The following VWC2L variants were observed in gnomAD, a reference collection of about 807,000 sequenced individuals.
VWC2L encodes the protein von Willebrand factor C domain-containing protein 2-like.
A neutral mutation model predicts 21.6 loss-of-function variants in VWC2L; 10 were observed. That is an observed-to-expected ratio of 0.46 (90% CI 0.29 to 0.78). The LOEUF (loss-of-function observed/expected upper bound fraction) is 0.78. Ranked by LOEUF, VWC2L falls within the 30% of genes least tolerant of loss-of-function variation. VWC2L has a pLI of 0.10. For synonymous variants in VWC2L, 96 were observed against 94.3 expected (o/e 1.02, Z -0.10); for missense variants, 209 against 277.1 (o/e 0.75, Z 1.74).
chr2:214,419,901 A>C (rs1702410866), intron 2 of VWC2L, among the ~76,000 whole-genome samples: 1 of 152,164 alleles, frequency 6.6e-6, no homozygotes, highest in Non-Finnish European at 1.5e-5. Context: ...TCTACTAAAA[A>C]TACAAAAATT....
intron 3 of VWC2L, among the ~76,000 whole-genome samples, chr2:214,573,276 C>A (rs141912285): frequency 3.9e-5 from 6 of 152,092 alleles, no homozygotes; most frequent in African/African-American, 1.4e-4. Context: ...TACGCACGCT[C>A]ACACGGTTAA....
At chr2:214,414,666 G>A (rs1482219987) in intron 2 of VWC2L, 83 bp downstream of exon 2, 80 of 1,427,132 alleles carry the variant, frequency 5.6e-5, no homozygotes, top group Non-Finnish European at 7.5e-6. Flanking sequence ...AGTCAGAGTT[G>A]GAAAAATGTA....
rs184790783 is a variant in VWC2L, at chr2:214,528,936, A to G, written c.521-46736A>G. On this transcript the variant is annotated intron_variant, in intron 3 of 3. Coordinates refer to ENST00000312504, the MANE Select transcript of VWC2L (RefSeq NM_001080500.4). The stretch of plus-strand genomic sequence containing the variant: ...CAATAAATCCTATTTCACTTCCACT[A>G]TATGAAGTTGCCATTATGCAATTAT... Among the ~76,000 whole-genome samples the G allele has an allele frequency of 7.2e-4, 109 of 152,292 alleles. 1 individual carries two copies. The East Asian group carries it at 0.012, about 16-fold the overall frequency.
chr2:214,411,449 G>C lies in VWC2L; in HGVS notation c.-418G>C, dbSNP rs1380418662. 2.6e-5 allele frequency: 4 copies of C among 152,304 alleles called. No individual in the cohort carries two copies. Among genetic ancestry groups the C allele is most frequent in the Non-Finnish European group, 4.4e-5 (3 of 68,042 alleles). The allele number at this position is 152,304 out of a possible 1,614,324, so 9.4% of individuals were successfully genotyped here. ...TAATCAGCCGGGAAATTTCATAGAA[G>C]GATCTAAGAAAATGCTAAAAATAAG... On this transcript the variant is annotated 5_prime_UTR_variant, in exon 1 of 4. Transcript: ENST00000312504.
intron 3 of VWC2L, among the ~76,000 whole-genome samples, chr2:214,502,445 C>G (rs1275587633): frequency 6.6e-6 from 1 of 152,164 alleles, no homozygotes; most frequent in African/African-American, 2.4e-5. Context: ...TGGCACACAC[C>G]TGTAGCCCCT....
At position 214,578,438 on chromosome 2, in the gene VWC2L, G is replaced by C. The variant is rs1308900935; in HGVS notation, c.*2618G>C. 6.6e-6 allele frequency: 1 copy of C among 152,190 alleles called. No individual in the cohort carries two copies. Among genetic ancestry groups the C allele is most frequent in the African/African-American group, 2.4e-5 (1 of 41,452 alleles). 9.4% of individuals were successfully genotyped at this position (152,190 alleles called of 1,614,324 possible). A position where few individuals can be genotyped will look rare whatever the true frequency, so the allele number is the denominator to read the frequency against. Reference sequence around the variant, plus strand: ...CCAGCTAGAGAGAGGGATTTTTATGGTTGGTTTTGTTGTTGTTGGATTTTC... The same window carrying C: ...CCAGCTAGAGAGAGGGATTTTTATGCTTGGTTTTGTTGTTGTTGGATTTTC... On this transcript the variant is annotated 3_prime_UTR_variant, in exon 4 of 4. Coordinates refer to ENST00000312504, the MANE Select transcript of VWC2L (RefSeq NM_001080500.4).
In VWC2L at chr2:214,578,773, C is replaced by T. The variant is rs1341329441; in HGVS notation, c.*2953C>T. The T allele has an allele frequency of 6.6e-6, 1 of 151,742 alleles. No individual in the cohort carries two copies. The highest frequency in any genetic ancestry group is 1.9e-4 in the East Asian group (1 of 5,172). 9.4% of individuals were successfully genotyped at this position (151,742 alleles called of 1,614,324 possible). A position where few individuals can be genotyped will look rare whatever the true frequency, so the allele number is the denominator to read the frequency against. ...CAGCTATGTTAAAATAAGGGATCAA[C>T]ATCTTGTTTGTCAGCTGATGCCTAT... On this transcript the variant is annotated 3_prime_UTR_variant, in exon 4 of 4. Transcript: ENST00000312504.
chr2:214,495,931 A>C (rs1450831403), intron 3 of VWC2L, among the ~76,000 whole-genome samples: 2 of 152,160 alleles, frequency 1.3e-5, no homozygotes, highest in East Asian at 3.8e-4. Flanking sequence ...AATATCCTAC[A>C]TACAGTCATG....
chr2:214,498,815 T>C (rs1000779870), intron 3 of VWC2L, among the ~76,000 whole-genome samples: 3 of 150,708 alleles, frequency 2.0e-5, no homozygotes, highest in Non-Finnish European at 2.9e-5. Context: ...ACCACTGGAT[T>C]GTGTATATAT....
At chr2:214,440,792 C>T (rs1702754556) in intron 3 of VWC2L, among the ~76,000 whole-genome samples, 2 of 152,052 alleles carry the variant, frequency 1.3e-5, no homozygotes, top group Non-Finnish European at 2.9e-5. Flanking sequence ...GAATGCTGAA[C>T]ATCTGCATTA....
chr2:214,508,119 A>G (rs4632336), intron 3 of VWC2L, among the ~76,000 whole-genome samples: 133,022 of 151,930 alleles, frequency 0.88, 60,814 homozygotes, highest in Non-Finnish European at 1. Flanking sequence ...TGGGACTATA[A>G]GCGCCCACCA....
chr2:214,429,338 G>T (rs1261882994), intron 2 of VWC2L, among the ~76,000 whole-genome samples: 1 of 152,188 alleles, frequency 6.6e-6, no homozygotes, highest in African/African-American at 2.4e-5. Flanking sequence ...AATCCAGCTT[G>T]TCAGTGAAGG....
chr2:214,548,250 G>T (rs1463719955), intron 3 of VWC2L, among the ~76,000 whole-genome samples: 1 of 152,094 alleles, frequency 6.6e-6, no homozygotes, highest in Non-Finnish European at 1.5e-5. Flanking sequence ...TATTATGGGT[G>T]TTCCGTCACT....
In VWC2L at chr2:214,575,810, A is replaced by C; in HGVS notation, c.659A>C (p.Gln220Pro). The C allele has an allele frequency of 5.6e-6, 9 of 1,613,274 alleles. No individual in the cohort carries two copies. The highest frequency in any genetic ancestry group is 7.6e-6 in the Non-Finnish European group (9 of 1,179,360). ...QCSKRECQGK[Q>P]TV is the part of the protein sequence containing the mutation. ...TCGAAACGTGAATGCCAAGGCAAGC[A>C]GACTGTGTAGGACAAACTTCCACCC... Residue 220 changes from glutamine (Q) to proline (P), a missense_variant, in exon 4 of 4, where the codon CAG becomes CCG. Transcript: ENST00000312504.
At chr2:214,561,268 G>T (rs371374294) in intron 3 of VWC2L, among the ~76,000 whole-genome samples, 1 of 152,084 alleles carries the variant, frequency 6.6e-6, no homozygotes, top group African/African-American at 2.4e-5. Flanking sequence ...AACTCCTATC[G>T]TAAAGAGATG....
intron 3 of VWC2L, among the ~76,000 whole-genome samples, chr2:214,440,581 T>C (rs947194179): frequency 1.3e-5 from 2 of 152,092 alleles, no homozygotes; most frequent in Admixed American, 6.6e-5. Context: ...ATTTCAAACA[T>C]TGGAAACTGA....
chr2:214,424,194 A>C (rs1247500235), intron 2 of VWC2L, among the ~76,000 whole-genome samples: 1 of 152,166 alleles, frequency 6.6e-6, no homozygotes, highest in African/African-American at 2.4e-5. Flanking sequence ...AATCACTGCT[A>C]TAATTCAGCC....
chr2:214,559,280 A>G (rs1172666654), intron 3 of VWC2L, among the ~76,000 whole-genome samples: 3 of 152,148 alleles, frequency 2.0e-5, no homozygotes, highest in Admixed American at 2.0e-4. Flanking sequence ...AATCAAAACC[A>G]CAATGAGAAA....
At chr2:214,531,257 G>A (rs1402613944) in intron 3 of VWC2L, among the ~76,000 whole-genome samples, 2 of 152,180 alleles carry the variant, frequency 1.3e-5, no homozygotes, top group African/African-American at 4.8e-5. Context: ...GACTTTTGAC[G>A]AGTAAACGCA....
Sources: gnomAD v4.1 joint callset for allele counts (sites outside exome capture counted in the v4.1 genomes callset) on GRCh38, gnomAD v4.1.1 for gene constraint, MANE v1.5 for transcripts, NCBI Gene and HGNC (gene_info 2026-07-23, HGNC 2026-07-21) for gene names.